GIGYF2: variants seen among roughly 807,000 people sequenced by gnomAD.
GIGYF2 encodes the protein GRB10 interacting GYF protein 2, also known as GRB10-interacting GYF protein 2.
In GIGYF2, 25 loss-of-function variants were observed where a neutral mutation model predicts 208.1. The observed-to-expected ratio is 0.12, with a 90% CI of 0.09 to 0.17. The LOEUF (loss-of-function observed/expected upper bound fraction) is 0.17. Ranked by LOEUF, GIGYF2 falls within the 10% of genes least tolerant of loss-of-function variation. The pLI, the probability that GIGYF2 is intolerant of heterozygous loss-of-function variation, is 1.00. For synonymous variants in GIGYF2, 534 were observed against 543.8 expected (o/e 0.98, Z 0.25); for missense variants, 1,302 against 1,579.4 (o/e 0.82, Z 2.98).
Position 232,860,371 on chromosome 2 carries a change from T to C in GIGYF2, c.*3511T>C, listed in dbSNP as rs1200084691. 1 of 150,938 alleles carries C rather than the reference T, an allele frequency of 6.6e-6. No homozygotes were observed. Among genetic ancestry groups the C allele is most frequent in the East Asian group, 1.9e-4 (1 of 5,180 alleles). The allele number at this position is 150,938 out of a possible 1,614,324, so 9.3% of individuals were successfully genotyped here. A position where few individuals can be genotyped will look rare whatever the true frequency, so the allele number is the denominator to read the frequency against. ...AATAATTTTTTTAGGGAAACCATTG[T>C]ATTTATACATGCATATATTTTTATA... is the stretch of plus-strand genomic sequence containing the variant. On this transcript the variant is annotated 3_prime_UTR_variant, in exon 29 of 29. Coordinates refer to ENST00000373563, the MANE Select transcript of GIGYF2 (RefSeq NM_001103146.3).
At position 232,768,621 on chromosome 2, in the gene GIGYF2, T is replaced by C. The variant is rs778399462; in HGVS notation, c.532+7185T>C. Reference sequence around the variant, plus strand: ...AAGGTGGAAATCCACACTGGTCTGGTAGAGTTTGCCATTTTCTCTTTCCTG... The same window carrying C: ...AAGGTGGAAATCCACACTGGTCTGGCAGAGTTTGCCATTTTCTCTTTCCTG... On this transcript the variant is annotated intron_variant, in intron 8 of 28. Coordinates refer to ENST00000373563, the MANE Select transcript of GIGYF2 (RefSeq NM_001103146.3). 6.8e-6 allele frequency: 11 copies of C among 1,614,128 alleles called. No homozygotes were observed. The Admixed American group carries it at 1.8e-4, about 27-fold the overall frequency.
intron 14 of GIGYF2, among the ~76,000 whole-genome samples, chr2:232,802,767 G>A (rs558838998): frequency 3.3e-5 from 5 of 152,290 alleles, no homozygotes; most frequent in South Asian, 2.1e-4. Context: ...TAGTTAGGAA[G>A]TGTAGGTAAT....
At chr2:232,773,669 A>G (rs1699376994) in intron 8 of GIGYF2, among the ~76,000 whole-genome samples, 1 of 152,134 alleles carries the variant, frequency 6.6e-6, no homozygotes, top group Non-Finnish European at 1.5e-5. Context: ...AGTAATGATT[A>G]ATAATATTAG....
chr2:232,739,887 G>A (rs942798734), intron 3 of GIGYF2, among the ~76,000 whole-genome samples: 1 of 147,182 alleles, frequency 6.8e-6, no homozygotes, highest in Non-Finnish European at 1.5e-5. Context: ...ATCACTTGAG[G>A]TCAAGAGTTT....
rs561097726 is a variant in GIGYF2, at chr2:232,850,282, C to A, written c.3705C>A (p.Asn1235Lys). Residue 1235 changes from asparagine to lysine, a missense_variant, in exon 28 of 29, where the codon AAC becomes AAA. Transcript: ENST00000373563. ...PQQQDSVWGM[N>K]HSTLHSVFQT... is the part of the protein sequence containing the mutation. ...CACAGGACTCTGTGTGGGGGATGAA[C>A]CACAGTACACTCCATTCAGTATTTC... is the stretch of plus-strand genomic sequence containing the variant. The A allele has an allele frequency of 8.1e-6, 13 of 1,613,472 alleles. No homozygotes were observed. In the South Asian group the frequency reaches 1.3e-4, roughly 16 times the overall value.
chr2:232,700,732 C>G (rs1019440204), intron 1 of GIGYF2: 1 of 152,070 alleles, frequency 6.6e-6, no homozygotes, highest in Non-Finnish European at 1.5e-5. Flanking sequence ...AGTCTGAACT[C>G]AAGCTTTTTT....
chr2:232,776,795 A>C, intron 8 of GIGYF2: 1 of 255,682 alleles, frequency 3.9e-6, no homozygotes, highest in Non-Finnish European at 7.4e-6. Flanking sequence ...TCTAATCAGG[A>C]CCGGTCTTTA....
chr2:232,706,921 G>A (rs919611475), intron 2 of GIGYF2, among the ~76,000 whole-genome samples: 1 of 146,428 alleles, frequency 6.8e-6, no homozygotes, highest in African/African-American at 2.5e-5. Context: ...ATCCCTACCT[G>A]GGTAACAGAG....
At position 232,836,212 on chromosome 2, in the gene GIGYF2, A is replaced by G. The variant is rs368963199; in HGVS notation, c.2766+3119A>G. On this transcript the variant is annotated intron_variant, in intron 22 of 28. Coordinates refer to ENST00000373563, the MANE Select transcript of GIGYF2 (RefSeq NM_001103146.3). ...GAGGCCGAGGCTGGTGGTTCGCTGG[A>G]GCTCAGGAATTCAGTACCAGCCTGG... Among the ~76,000 whole-genome samples the G allele has an allele frequency of 4.3e-5, 6 of 140,092 alleles. No individual in the cohort carries two copies. The East Asian group carries it at 1.0e-3, about 24-fold the overall frequency. The allele number at this position is 140,092 out of a possible 152,430, so 91.9% of individuals were successfully genotyped here.
In GIGYF2 at chr2:232,788,683, A is replaced by G. The variant is rs111790431; in HGVS notation, c.712+1354A>G. The stretch of plus-strand genomic sequence containing the variant: ...AGTTTAACAAAGTACCTCCCACCCA[A>G]CAACTTAGAATTTGGTTATATATTA... On this transcript the variant is annotated intron_variant, in intron 9 of 28. Coordinates refer to ENST00000373563, the MANE Select transcript of GIGYF2 (RefSeq NM_001103146.3). 1,046 of 380,908 alleles carry G rather than the reference A, an allele frequency of 2.7e-3. 5 individuals carry two copies. The highest frequency in any genetic ancestry group is 0.02 in the African/African-American group (966 of 47,872). 23.6% of individuals were successfully genotyped at this position (380,908 alleles called of 1,614,324 possible). A position where few individuals can be genotyped will look rare whatever the true frequency, so the allele number is the denominator to read the frequency against.
At chr2:232,812,770 G>C (rs1209933289) in intron 18 of GIGYF2, among the ~76,000 whole-genome samples, 1 of 151,634 alleles carries the variant, frequency 6.6e-6, no homozygotes, top group African/African-American at 2.4e-5. Context: ...AATTATTTTC[G>C]ATCTCTTTAG....
At position 232,806,826 on chromosome 2, in the gene GIGYF2, A is replaced by G. The variant is rs1387530007; in HGVS notation, c.1806+169A>G. ...GAAGACTGAATACTTAGCTATAATG[A>G]TCTTTTCAAAACTCGAATAACCTGT... On this transcript the variant is annotated intron_variant, in intron 15 of 28. Transcript: ENST00000373563. The surrounding 1 kb of genome is among the most constrained non-coding windows in gnomAD (Gnocchi z 4.0). Among the ~76,000 whole-genome samples the G allele has an allele frequency of 1.3e-5, 2 of 148,952 alleles. No homozygotes were observed. The highest frequency in any genetic ancestry group is 3.0e-5 in the Non-Finnish European group (2 of 66,076).
intron 2 of GIGYF2, chr2:232,722,760 T>G (rs893153216): frequency 4.6e-5 from 7 of 150,638 alleles, no homozygotes; most frequent in African/African-American, 1.7e-4. Flanking sequence ...CTGTATTATC[T>G]TTGTAGCTTT....
At chr2:232,697,881 C>T (rs910112384) in intron 1 of GIGYF2, among the ~76,000 whole-genome samples, 1 of 152,226 alleles carries the variant, frequency 6.6e-6, no homozygotes, top group Non-Finnish European at 1.5e-5. Context: ...ACACCTGGTC[C>T]CTGGGAGGTG....
At chr2:232,715,686 T>G (rs1041516938) in intron 2 of GIGYF2, among the ~76,000 whole-genome samples, 2 of 152,170 alleles carry the variant, frequency 1.3e-5, no homozygotes, top group Admixed American at 1.3e-4. Flanking sequence ...TCAGTAAATG[T>G]GTTAACAGAT....
At chr2:232,781,321 C>A (rs889017820) in intron 8 of GIGYF2, among the ~76,000 whole-genome samples, 2 of 149,736 alleles carry the variant, frequency 1.3e-5, no homozygotes, top group Non-Finnish European at 3.0e-5. Flanking sequence ...CACACACACA[C>A]AACTTATAAA....
At chr2:232,832,218 T>C (rs1701441996) in intron 21 of GIGYF2, among the ~76,000 whole-genome samples, 1 of 152,202 alleles carries the variant, frequency 6.6e-6, no homozygotes. Context: ...AGACAAAGCA[T>C]TGCAGACACA....
intron 14 of GIGYF2, among the ~76,000 whole-genome samples, chr2:232,800,502 T>TA (rs1408297145): frequency 1.3e-5 from 2 of 152,198 alleles, no homozygotes; most frequent in Non-Finnish European, 2.9e-5. Context: ...ATATTGGCAT[T>TA]ACACTGTTTT....
At chr2:232,791,199 T>C in intron 11 of GIGYF2, 29 bp downstream of exon 11, 1 of 1,613,976 alleles carries the variant, frequency 6.2e-7, no homozygotes, top group Non-Finnish European at 8.5e-7. Flanking sequence ...CTTTGCCTTT[T>C]TTTTCCTCCA....
Sources: gnomAD v4.1 joint callset for allele counts (sites outside exome capture counted in the v4.1 genomes callset) on GRCh38, gnomAD v4.1.1 for gene constraint, Gnocchi (gnomAD v3.1) non-coding constraint, MANE v1.5 for transcripts, NCBI Gene and HGNC (gene_info 2026-07-23, HGNC 2026-07-21) for gene names.